AAGAB: variants seen among roughly 807,000 people sequenced by gnomAD.
The protein encoded by AAGAB is alpha and gamma adaptin binding protein, also known as alpha- and gamma-adaptin-binding protein p34.
AAGAB carries 38 observed loss-of-function variants against 44.1 expected under a neutral mutation model. That is an observed-to-expected ratio of 0.86 (90% CI 0.67 to 1.13). The LOEUF is 1.13. Ranked by LOEUF, AAGAB falls within the 50% of genes most tolerant of loss-of-function variation. The pLI is 0.00. For missense variants in AAGAB, 450 were observed against 373.8 expected (o/e 1.20, Z -1.68); for synonymous variants, 131 against 131.8 (o/e 0.99, Z 0.04).
At chr15:67,239,181 T>C (rs1312875725) in intron 1 of AAGAB, among the ~76,000 whole-genome samples, 3 of 152,180 alleles carry the variant, frequency 2.0e-5, no homozygotes, top group African/African-American at 7.2e-5. Flanking sequence ...TGTTAAAAAC[T>C]GATATCAAAA....
chr15:67,219,672 G>A (rs1426849131), intron 5 of AAGAB, among the ~76,000 whole-genome samples: 3 of 151,838 alleles, frequency 2.0e-5, no homozygotes, highest in Non-Finnish European at 4.4e-5. Context: ...GAGGGAGGGG[G>A]GCAAGGATTG....
At position 67,218,870 on chromosome 15, in the gene AAGAB, A is replaced by G. The variant is rs1964007915; in HGVS notation, c.536-9326T>C. On this transcript the variant is annotated intron_variant, in intron 5 of 9. Transcript: ENST00000261880. Reference sequence around the variant, plus strand: ...GGTTTTATCTACATCCCTTTCCTTGAGCTACAGCCAAACTTTGAGGTTAAG... The same window carrying G: ...GGTTTTATCTACATCCCTTTCCTTGGGCTACAGCCAAACTTTGAGGTTAAG... Among the ~76,000 whole-genome samples the G allele has an allele frequency of 2.6e-5, 4 of 152,328 alleles. No homozygotes were observed. In the South Asian group the frequency reaches 8.3e-4, roughly 32 times the overall value.
At chr15:67,205,209 C>A (rs551882328) in intron 7 of AAGAB, among the ~76,000 whole-genome samples, 62 of 152,276 alleles carry the variant, frequency 4.1e-4, no homozygotes, top group African/African-American at 1.4e-3. Flanking sequence ...ATTATAGGTC[C>A]TATCTCTATA....
intron 5 of AAGAB, among the ~76,000 whole-genome samples, 174 bp downstream of exon 5, chr15:67,231,640 C>T (rs1457016347): frequency 2.0e-5 from 3 of 152,150 alleles, no homozygotes; most frequent in East Asian, 1.9e-4. Flanking sequence ...AACTATTAAA[C>T]GTATATGAAA....
intron 8 of AAGAB, 145 bp from the exon 9 acceptor site, chr15:67,203,742 C>G: frequency 1.4e-6 from 1 of 713,560 alleles, no homozygotes; most frequent in Non-Finnish European, 2.3e-6. Flanking sequence ...TTTAAGTCTT[C>G]CAAATTTTCC....
chr15:67,213,362 TAAG>T (rs1464884493), intron 5 of AAGAB, among the ~76,000 whole-genome samples: 6 of 152,088 alleles, frequency 3.9e-5, no homozygotes, highest in Non-Finnish European at 7.4e-5. Context: ...TTTTTAACAA[TAAG>T]AAGTTAAAAA....
At chr15:67,206,996 A>G (rs763309269) in intron 7 of AAGAB, among the ~76,000 whole-genome samples, 76 of 152,218 alleles carry the variant, frequency 5.0e-4, no homozygotes, top group Non-Finnish European at 1.5e-4. Context: ...AGCCTGACCA[A>G]CACGCAGAAA....
intron 5 of AAGAB, among the ~76,000 whole-genome samples, chr15:67,215,430 C>T (rs2033783): frequency 0.21 from 32,199 of 152,150 alleles, 4,144 homozygotes; most frequent in East Asian, 0.48. Flanking sequence ...CCCCCCAACA[C>T]GCCTAACAGA....
At chr15:67,203,696 T>C in intron 8 of AAGAB, 99 bp from the exon 9 acceptor site, 1 of 1,045,858 alleles carries the variant, frequency 9.6e-7, no homozygotes. Context: ...TTCAAAGACA[T>C]GTTTATGATG....
In AAGAB at chr15:67,249,632, A is replaced by G. The variant is rs573455281; in HGVS notation, c.73+4927T>C. ...AAGACTTTAATCATCCGAAGTGGCA[A>G]TGTGAGCATATTTTAAAACCGTTTA... On this transcript the variant is annotated intron_variant, in intron 1 of 9. Transcript: ENST00000261880. 9.8e-4 allele frequency among the ~76,000 whole-genome samples: 149 copies of G among 152,302 alleles called. 2 individuals carry two copies. The highest frequency in any genetic ancestry group is 3.5e-3 in the African/African-American group (146 of 41,548).
rs1965023306 is a variant in AAGAB, at chr15:67,254,542, G to A, written c.73+17C>T. ...CTCAGGGGCCTTGGAGGTCGGCCCA[G>A]GCGCCTATCTACTCACGTTGGACCA... is the stretch of plus-strand genomic sequence containing the variant. On this transcript the variant is annotated intron_variant, in intron 1 of 9. Transcript: ENST00000261880. 1 of 1,598,678 alleles carries A rather than the reference G, an allele frequency of 6.3e-7. No individual in the cohort carries two copies. The highest frequency in any genetic ancestry group is 8.5e-7 in the Non-Finnish European group (1 of 1,173,558).
chr15:67,213,762 CT>C (rs796373141), intron 5 of AAGAB, among the ~76,000 whole-genome samples: 23 of 152,204 alleles, frequency 1.5e-4, no homozygotes, highest in African/African-American at 5.5e-4. Flanking sequence ...CAAAATTTTC[CT>C]AAGGGTTAGT....
chr15:67,226,424 C>T (rs1415547567), intron 5 of AAGAB, among the ~76,000 whole-genome samples: 8 of 152,120 alleles, frequency 5.3e-5, no homozygotes, highest in Admixed American at 3.9e-4. Flanking sequence ...GCCTGGCCAA[C>T]GTTAAGCATC....
intron 5 of AAGAB, among the ~76,000 whole-genome samples, chr15:67,226,156 G>T (rs1964199533): frequency 6.6e-6 from 1 of 151,562 alleles, no homozygotes; most frequent in Non-Finnish European, 1.5e-5. Context: ...AATACGAATT[G>T]GGGTCTCACT....
At chr15:67,250,971 G>A (rs1466620839) in intron 1 of AAGAB, among the ~76,000 whole-genome samples, 1 of 152,186 alleles carries the variant, frequency 6.6e-6, no homozygotes, top group African/African-American at 2.4e-5. Flanking sequence ...AGCTTGCAGT[G>A]AGCCGAGATC....
Position 67,204,162 on chromosome 15 carries a change from T to TATC in AAGAB, c.716-15_716-14insGAT. 6.5e-7 allele frequency: 1 copy of TATC among 1,534,716 alleles called. No individual in the cohort carries two copies. Among genetic ancestry groups the TATC allele is most frequent in the Admixed American group, 1.7e-5 (1 of 58,842 alleles). On this transcript the variant is annotated splice_polypyrimidine_tract_variant and intron_variant, in intron 7 of 9. Coordinates refer to ENST00000261880, the MANE Select transcript of AAGAB (RefSeq NM_024666.5). ...CTAACATGGGATCTGAAATAGGGAT[T>TATC]TGTCACATTATCTGTCACGTTATTT...
chr15:67,236,527 A>G (rs1964470596), intron 2 of AAGAB, 23 bp from the exon 3 acceptor site: 1 of 1,610,016 alleles, frequency 6.2e-7, no homozygotes, highest in African/African-American at 1.3e-5. Flanking sequence ...AAAAATATAA[A>G]CAAACAAAAA....
At chr15:67,224,446 C>A (rs952896409) in intron 5 of AAGAB, among the ~76,000 whole-genome samples, 15 of 152,110 alleles carry the variant, frequency 9.9e-5, no homozygotes, top group Admixed American at 9.2e-4. Flanking sequence ...AGATACTAGA[C>A]CATACTAGAA....
chr15:67,203,131 G>A (rs1242385373), intron 9 of AAGAB, among the ~76,000 whole-genome samples: 1 of 152,168 alleles, frequency 6.6e-6, no homozygotes, highest in Non-Finnish European at 1.5e-5. Flanking sequence ...GACATGCACA[G>A]CTTTGTTATT....
Sources: gnomAD v4.1 joint callset for allele counts (sites outside exome capture counted in the v4.1 genomes callset) on GRCh38, gnomAD v4.1.1 for gene constraint, MANE v1.5 for transcripts, NCBI Gene and HGNC (gene_info 2026-07-23, HGNC 2026-07-21) for gene names.